Variants in KLRG1 observed in about 807,000 individuals in gnomAD.
KLRG1 encodes killer cell lectin like receptor G1.
In KLRG1, 16 loss-of-function variants were observed where a neutral mutation model predicts 21.8. The observed-to-expected ratio is 0.73, with a 90% CI of 0.50 to 1.11. The LOEUF (loss-of-function observed/expected upper bound fraction) is 1.11. Ranked by LOEUF, KLRG1 falls within the 50% of genes most tolerant of loss-of-function variation. The pLI is 0.00. For synonymous variants in KLRG1, 69 were observed against 75.9 expected (o/e 0.91, Z 0.47); for missense variants, 173 against 218.3 (o/e 0.79, Z 1.31).
chr12:9,114,932 T>C, the KLRG1 span, among the ~76,000 whole-genome samples: 1 of 152,164 alleles, frequency 6.6e-6, no homozygotes. Flanking sequence ...TTAAAATACT[T>C]TTGAAGCACA....
At chr12:9,212,511 A>G in the KLRG1 span, among the ~76,000 whole-genome samples, 2 of 152,244 alleles carry the variant, frequency 1.3e-5, no homozygotes, top group East Asian at 3.8e-4. Context: ...TGTTATAACT[A>G]ATATGTATAG....
At chr12:9,185,377 T>G in the KLRG1 span, among the ~76,000 whole-genome samples, 2 of 151,946 alleles carry the variant, frequency 1.3e-5, no homozygotes, top group African/African-American at 4.8e-5. Context: ...CAGACAAGAA[T>G]AAAGAAAGAA....
At chr12:9,015,088 G>A (rs940373054), downstream of KLRG1, among the ~76,000 whole-genome samples, 4 of 152,112 alleles carry the variant, frequency 2.6e-5, no homozygotes, top group South Asian at 8.3e-4. Context: ...AAAACAGGAA[G>A]GAAGGAAAGA....
chr12:9,109,346 C>T, the KLRG1 span: 13 of 1,613,214 alleles, frequency 8.1e-6, no homozygotes, highest in Non-Finnish European at 1.0e-5. Flanking sequence ...ACATTCATCT[C>T]TTCTTCCAAG....
At chr12:9,099,240 G>T in the KLRG1 span, 1 of 754,686 alleles carries the variant, frequency 1.3e-6, no homozygotes, top group Non-Finnish European at 2.2e-6. Context: ...TTCTTAGTGT[G>T]ACTCTGCCAC....
chr12:8,986,783 T>C (rs1423088175), upstream of KLRG1, among the ~76,000 whole-genome samples: 4 of 152,176 alleles, frequency 2.6e-5, no homozygotes, highest in African/African-American at 7.2e-5. Context: ...AGATGGGGCC[T>C]GGTGGGAGGT....
Position 9,009,711 on chromosome 12 carries a change from C to T in KLRG1, c.*174C>T. ...GGGATTGATGCCTAACTGATGGATT[C>T]TCTTTGAGACTATTTAGATATTATG... On this transcript the variant is annotated 3_prime_UTR_variant, in exon 5 of 5. Coordinates refer to ENST00000356986, the MANE Select transcript of KLRG1 (RefSeq NM_005810.4). 7.0e-7 allele frequency: 1 copy of T among 1,422,344 alleles called. No homozygotes were observed. The highest frequency in any genetic ancestry group is 9.1e-7 in the Non-Finnish European group (1 of 1,093,034). 88.1% of individuals were successfully genotyped at this position (1,422,344 alleles called of 1,614,324 possible).
chr12:9,149,523 A>T, the KLRG1 span: 1 of 1,580,704 alleles, frequency 6.3e-7, no homozygotes, highest in Non-Finnish European at 8.6e-7. Flanking sequence ...GAGTGGGTTA[A>T]TGCCATCTAG....
At chr12:9,165,139 C>A in the KLRG1 span, 7 of 1,613,206 alleles carry the variant, frequency 4.3e-6, no homozygotes, top group Non-Finnish European at 5.9e-6. Flanking sequence ...TTTTCCTTAC[C>A]CGGATGCATT....
chr12:8,993,573 C>G lies in KLRG1; in HGVS notation c.187+1263C>G, dbSNP rs74060293. 2.1e-3 allele frequency among the ~76,000 whole-genome samples: 327 copies of G among 152,240 alleles called. 1 individual carries two copies. The highest frequency in any genetic ancestry group is 7.7e-3 in the African/African-American group (319 of 41,530). ...CAAGTGCTGGGATTACAGGTGTGAG[C>G]CATTGCGCTCTGCCGATTTATTAGG... On this transcript the variant is annotated intron_variant, in intron 2 of 4. Coordinates refer to ENST00000356986, the MANE Select transcript of KLRG1 (RefSeq NM_005810.4).
At chr12:8,998,889 T>C (rs1453937223) in intron 3 of KLRG1, among the ~76,000 whole-genome samples, 3 of 152,194 alleles carry the variant, frequency 2.0e-5, no homozygotes, top group Non-Finnish European at 4.4e-5. Flanking sequence ...ACCGTGGATA[T>C]TTAAATTTAT....
chr12:9,056,376 G>A, the KLRG1 span, among the ~76,000 whole-genome samples: 3 of 152,294 alleles, frequency 2.0e-5, no homozygotes, highest in East Asian at 3.9e-4. Context: ...TCATGCTACA[G>A]TGTTCAAGCA....
the KLRG1 span, among the ~76,000 whole-genome samples, chr12:9,070,124 T>C: frequency 6.6e-6 from 1 of 152,248 alleles, no homozygotes; most frequent in African/African-American, 2.4e-5. Flanking sequence ...TTTTCCTGTT[T>C]TGCTTGCTCT....
At chr12:9,181,069 C>T in the KLRG1 span, 2 of 1,614,048 alleles carry the variant, frequency 1.2e-6, no homozygotes, top group South Asian at 1.1e-5. Flanking sequence ...TGCGGAGCAG[C>T]TGCTACTTGC....
At chr12:9,195,688 A>G in the KLRG1 span, among the ~76,000 whole-genome samples, 1 of 141,188 alleles carries the variant, frequency 7.1e-6, no homozygotes, top group Non-Finnish European at 1.5e-5. Flanking sequence ...TCCTGGCCTC[A>G]GGCGATCCTC....
rs924710780 is a variant in KLRG1 at position 8,981,594 on chromosome 12, G to T, written c.-155-10612G>T. ...TTTTCTTGTTATTGATTTCACTGTG[G>T]TTATAAAATATATCTGTAAGATTTT... On this transcript the variant is annotated intron_variant, in intron 1 of 4. Coordinates refer to the KLRG1 transcript ENST00000539240. 3.2e-4 allele frequency among the ~76,000 whole-genome samples: 49 copies of T among 151,912 alleles called. 1 individual carries two copies. Among genetic ancestry groups the T allele is most frequent in the African/African-American group, 1.1e-3 (47 of 41,460 alleles).
the KLRG1 span, chr12:9,164,254 A>C: frequency 6.2e-6 from 10 of 1,613,056 alleles, no homozygotes; most frequent in African/African-American, 6.7e-5. Flanking sequence ...TCAGCTGCAC[A>C]CTGACCTATC....
chr12:9,108,473 A>G, the KLRG1 span, among the ~76,000 whole-genome samples: 6,091 of 152,258 alleles, frequency 0.04, 135 homozygotes, highest in Non-Finnish European at 0.055. Flanking sequence ...TATGTCATAG[A>G]CAATTGCTGG....
chr12:9,149,734 A>G, the KLRG1 span: 2 of 720,514 alleles, frequency 2.8e-6, no homozygotes, highest in Non-Finnish European at 4.5e-6. Context: ...ATGTAAATAG[A>G]CAAGAATTAA....
Sources: allele counts gnomAD v4.1 joint callset (sites outside exome capture counted in the v4.1 genomes callset), GRCh38; gene constraint gnomAD v4.1.1; transcripts MANE v1.5; gene names NCBI Gene and HGNC (gene_info 2026-07-23, HGNC 2026-07-21).